Variants in BCAR3 observed in about 807,000 individuals in gnomAD.
BCAR3 encodes BCAR3 adaptor protein, NSP family member.
A neutral mutation model predicts 80.1 loss-of-function variants in BCAR3; 37 were observed. The observed-to-expected ratio is 0.46, with a 90% CI of 0.36 to 0.61. The LOEUF (loss-of-function observed/expected upper bound fraction) is 0.61. Among genes scored for constraint, BCAR3 ranks in the 20% least tolerant of loss-of-function variants. The probability of loss-of-function intolerance (pLI) is 0.00; values close to 1 mark genes in which losing one functional copy is unlikely to be tolerated. For synonymous variants in BCAR3, 389 were observed against 418.9 expected (o/e 0.93, Z 0.87); for missense variants, 978 against 1,068.2 (o/e 0.92, Z 1.18).
In BCAR3 at chr1:93,589,118, T is replaced by C; in HGVS notation, c.788A>G (p.Glu263Gly). ...GCCTGGGGAGGTGCCATAATGCTCC[T>C]CCAGGCACCGCAGAGGCACCGTCCT... ...INRTVPLRCL[E>G]EHYGTSPGQA... Residue 263 changes from glutamate (E) to glycine (G), a missense_variant, in exon 5 of 12, where the codon GAG becomes GGG. By Grantham distance (98) the Glu-to-Gly change is moderately conservative. Transcript: ENST00000260502. 6.2e-7 allele frequency: 1 copy of C among 1,612,988 alleles called. No homozygotes were observed.
intron 3 of BCAR3, among the ~76,000 whole-genome samples, chr1:93,595,755 T>C (rs747966979): frequency 1.3e-5 from 2 of 152,228 alleles, no homozygotes; most frequent in Non-Finnish European, 2.9e-5. Context: ...TGTGGCAAAA[T>C]GTATCCATCT....
At chr1:93,575,733 C>T (rs1301240257) in intron 8 of BCAR3, among the ~76,000 whole-genome samples, 1 of 152,184 alleles carries the variant, frequency 6.6e-6, no homozygotes, top group Non-Finnish European at 1.5e-5. Context: ...TCACACAGGC[C>T]AATTGAGTCA....
chr1:93,710,462 C>T (rs1649980664), intron 2 of BCAR3, among the ~76,000 whole-genome samples: 1 of 152,198 alleles, frequency 6.6e-6, no homozygotes, highest in African/African-American at 2.4e-5. Context: ...GAGACTTTAT[C>T]CTAGCCAGGA....
At chr1:93,768,032 G>T (rs1287991711) in intron 2 of BCAR3, among the ~76,000 whole-genome samples, 1 of 152,194 alleles carries the variant, frequency 6.6e-6, no homozygotes, top group Non-Finnish European at 1.5e-5. Flanking sequence ...CAGGAACATA[G>T]CAAGGCTGGT....
chr1:93,639,833 C>A (rs114397998), intron 3 of BCAR3, among the ~76,000 whole-genome samples: 4,957 of 152,154 alleles, frequency 0.033, 261 homozygotes, highest in African/African-American at 0.11. Flanking sequence ...GGAGCTCCTG[C>A]CAGTATTTGG....
intron 2 of BCAR3, among the ~76,000 whole-genome samples, chr1:93,841,955 C>A (rs888517958): frequency 2.6e-5 from 4 of 152,160 alleles, no homozygotes; most frequent in African/African-American, 9.7e-5. Flanking sequence ...GGTTTCTACC[C>A]TGCGCCCTAG....
chr1:93,714,352 T>C (rs765837886), intron 2 of BCAR3, among the ~76,000 whole-genome samples: 4 of 152,242 alleles, frequency 2.6e-5, no homozygotes, highest in Non-Finnish European at 4.4e-5. Flanking sequence ...TGTCTCTAGG[T>C]TGGCAGTCCT....
At chr1:93,563,682 G>A (rs1001664216) in intron 11 of BCAR3, among the ~76,000 whole-genome samples, 1 of 152,170 alleles carries the variant, frequency 6.6e-6, no homozygotes, top group South Asian at 2.1e-4. Flanking sequence ...CCAACCCTTA[G>A]TTTTATCATT....
chr1:93,809,277 A>G (rs1230815234), intron 2 of BCAR3, among the ~76,000 whole-genome samples: 1 of 152,148 alleles, frequency 6.6e-6, no homozygotes, highest in Non-Finnish European at 1.5e-5. Flanking sequence ...GTAGAAAGTC[A>G]ATAGAAAAGA....
chr1:93,732,106 A>G (rs1372005102), intron 2 of BCAR3, among the ~76,000 whole-genome samples: 1 of 152,262 alleles, frequency 6.6e-6, no homozygotes, highest in Non-Finnish European at 1.5e-5. Flanking sequence ...GAGAATTGGC[A>G]TATTTAGGGA....
At chr1:93,811,576 G>A (rs76564104) in intron 2 of BCAR3, among the ~76,000 whole-genome samples, 3,728 of 152,160 alleles carry the variant, frequency 0.025, 140 homozygotes, top group African/African-American at 0.084. Context: ...CTGGCTTTGG[G>A]GCTTTGGAAC....
At chr1:93,660,245 C>T (rs1386077317) in intron 2 of BCAR3, among the ~76,000 whole-genome samples, 2 of 152,152 alleles carry the variant, frequency 1.3e-5, no homozygotes, top group African/African-American at 2.4e-5. Flanking sequence ...GGCCAGCGAC[C>T]GAACTGTGAT....
At chr1:93,603,584 C>T (rs1369850580) in intron 3 of BCAR3, among the ~76,000 whole-genome samples, 1 of 152,206 alleles carries the variant, frequency 6.6e-6, no homozygotes, top group Non-Finnish European at 1.5e-5. Flanking sequence ...GTGAAGCAGC[C>T]TTTGCAGAGA....
intron 2 of BCAR3, among the ~76,000 whole-genome samples, chr1:93,836,148 C>G (rs1256464409): frequency 6.6e-6 from 1 of 152,178 alleles, no homozygotes; most frequent in African/African-American, 2.4e-5. Flanking sequence ...AGAATTAGAG[C>G]CTGTCCTCGA....
At chr1:93,634,714 C>CA (rs1324242392) in intron 3 of BCAR3, among the ~76,000 whole-genome samples, 32 of 124,786 alleles carry the variant, frequency 2.6e-4, no homozygotes, top group Admixed American at 5.7e-4. Context: ...ACAACAACAA[C>CA]AACAACAAAA....
chr1:93,710,960 C>T lies in BCAR3; in HGVS notation c.-62-4818G>A, dbSNP rs187136009. 3.3e-3 allele frequency among the ~76,000 whole-genome samples: 505 copies of T among 152,332 alleles called. 3 individuals carry two copies. Among genetic ancestry groups the T allele is most frequent in the African/African-American group, 0.011 (459 of 41,576 alleles). Reference sequence around the variant, plus strand: ...TATAGGATCTCCTGCCACGCTCACTCATTGTGGACCTCAGTGCCTCTCAGG... The same window carrying T: ...TATAGGATCTCCTGCCACGCTCACTTATTGTGGACCTCAGTGCCTCTCAGG... On this transcript the variant is annotated intron_variant, in intron 2 of 13. Transcript: ENST00000370244.
chr1:93,767,465 A>G (rs1367950557), intron 2 of BCAR3, among the ~76,000 whole-genome samples: 1 of 151,624 alleles, frequency 6.6e-6, no homozygotes, highest in Non-Finnish European at 1.5e-5. Context: ...TTGAGGCTGC[A>G]GTGAGCCGTG....
chr1:93,764,609 C>T (rs1354051720), intron 2 of BCAR3, among the ~76,000 whole-genome samples: 1 of 152,092 alleles, frequency 6.6e-6, no homozygotes, highest in Non-Finnish European at 1.5e-5. Flanking sequence ...TGCCTCTGCT[C>T]AGGCCCATCC....
intron 2 of BCAR3, among the ~76,000 whole-genome samples, chr1:93,789,901 C>T (rs1232411140): frequency 4.6e-5 from 7 of 152,094 alleles, no homozygotes; most frequent in Non-Finnish European, 1.0e-4. Context: ...GGTGAGGGAC[C>T]TTGAGGAGTC....
Sources: gnomAD v4.1 joint callset for allele counts (sites outside exome capture counted in the v4.1 genomes callset) on GRCh38, gnomAD v4.1.1 for gene constraint, MANE v1.5 for transcripts, NCBI Gene and HGNC (gene_info 2026-07-23, HGNC 2026-07-21) for gene names.